Variants in YME1L1 observed in about 807,000 individuals in gnomAD.
YME1L1 encodes the protein YME1 like 1 ATPase, also known as ATP-dependent zinc metalloprotease YME1L1.
YME1L1 carries 39 observed loss-of-function variants against 90.4 expected under a neutral mutation model. The observed-to-expected ratio is 0.43, with a 90% CI of 0.33 to 0.56. The LOEUF (loss-of-function observed/expected upper bound fraction) is 0.56, where lower values mean the gene tolerates loss of function less well. YME1L1 is among the 20% of genes least tolerant of loss of function. The pLI is 0.03. For missense variants in YME1L1, 617 were observed against 868.4 expected (o/e 0.71, Z 3.64); for synonymous variants, 284 against 287.3 (o/e 0.99, Z 0.12).
chr10:27,122,967 G>C lies in YME1L1; in HGVS notation c.1109C>G (p.Ala370Gly), dbSNP rs1326621198. 6.2e-7 allele frequency: 1 copy of C among 1,609,518 alleles called. No homozygotes were observed. Among genetic ancestry groups the C allele is most frequent in the Non-Finnish European group, 8.5e-7 (1 of 1,178,820 alleles). Residue 370 changes from alanine (A) to glycine (G), a missense_variant, in exon 11 of 19, where the codon GCA (alanine) becomes GGA (glycine). Physicochemically the swap from Ala to Gly is moderately conservative, Grantham distance 60. Around this residue, in one of 4 missense-constraint regions of YME1L1, gnomAD observed 93 missense variants for 184.8 expected, o/e 0.50. Coordinates refer to ENST00000376016, the MANE Select transcript of YME1L1 (RefSeq NM_014263.4). ...ASRIRNLFRE[A>G]KANAPCVIFI... ...TATAACACAAGGAGCATTCGCCTTT[G>C]CTTCCCCTAAGAAAACAAAAAACAT...
intron 18 of YME1L1, among the ~76,000 whole-genome samples, chr10:27,113,688 A>G: frequency 6.6e-6 from 1 of 151,016 alleles, no homozygotes; most frequent in East Asian, 1.9e-4. Context: ...AAAAAAAAAA[A>G]GAAAAAACAA....
intron 4 of YME1L1, among the ~76,000 whole-genome samples, chr10:27,141,158 G>A (rs1378246925): frequency 1.3e-5 from 2 of 152,102 alleles, no homozygotes; most frequent in African/African-American, 4.8e-5. Context: ...ACTTTAGAAG[G>A]CCAAGGCAGG....
chr10:27,127,159 A>C (rs1334698797), intron 8 of YME1L1, among the ~76,000 whole-genome samples: 3 of 152,246 alleles, frequency 2.0e-5, no homozygotes, highest in Admixed American at 1.3e-4. Flanking sequence ...AATTAATGTC[A>C]AGATTCGCTT....
chr10:27,140,529 A>C (rs1446400178), intron 4 of YME1L1, among the ~76,000 whole-genome samples: 1 of 151,934 alleles, frequency 6.6e-6, no homozygotes, highest in Non-Finnish European at 1.5e-5. Flanking sequence ...GCCAGGCTGG[A>C]GTTCAGTGGC....
At chr10:27,135,631 C>T (rs1564463626) in intron 5 of YME1L1, among the ~76,000 whole-genome samples, 1 of 152,114 alleles carries the variant, frequency 6.6e-6, no homozygotes, top group Admixed American at 6.6e-5. Context: ...TTATATAAGA[C>T]TTCAATGCCA....
intron 6 of YME1L1, among the ~76,000 whole-genome samples, chr10:27,134,622 C>T (rs2057008074): frequency 1.3e-5 from 2 of 152,226 alleles, no homozygotes; most frequent in Non-Finnish European, 2.9e-5. Context: ...CTTTATGAAG[C>T]CATTCACACT....
intron 15 of YME1L1, among the ~76,000 whole-genome samples, chr10:27,117,109 G>C (rs892325533): frequency 6.6e-6 from 1 of 152,154 alleles, no homozygotes; most frequent in Non-Finnish European, 1.5e-5. Flanking sequence ...GGATAATGCT[G>C]CAATAGGACT....
At position 27,144,870 on chromosome 10, in the gene YME1L1, G is replaced by GGT. The variant is rs534615435; in HGVS notation, c.331+556_331+557dup. 3.6e-4 allele frequency among the ~76,000 whole-genome samples: 55 copies of GGT among 152,240 alleles called. No individual in the cohort carries two copies. In the East Asian group the frequency reaches 0.01, roughly 29 times the overall value. On this transcript the variant is annotated intron_variant, in intron 3 of 18. Coordinates refer to ENST00000376016, the MANE Select transcript of YME1L1 (RefSeq NM_014263.4). ...TAAGGTACCAATGTTAGGCCTGCAC[G>GGT]GTGGCTCACGCCTATAATCCCAGCA...
At chr10:27,131,707 CTAT>C in intron 8 of YME1L1, 149 bp downstream of exon 8, 1 of 561,986 alleles carries the variant, frequency 1.8e-6, no homozygotes, top group Non-Finnish European at 3.0e-6. Context: ...TGATCCTTGG[CTAT>C]TATTATTTAT....
Position 27,111,710 on chromosome 10 carries a change from T to G in YME1L1, c.*267A>C. 1.9e-6 allele frequency: 1 copy of G among 515,222 alleles called. No individual in the cohort carries two copies. The highest frequency in any genetic ancestry group is 2.0e-5 in the South Asian group (1 of 49,914). The allele number at this position is 515,222 out of a possible 1,614,324, so 31.9% of individuals were successfully genotyped here. A position where few individuals can be genotyped will look rare whatever the true frequency, so the allele number is the denominator to read the frequency against. On this transcript the variant is annotated 3_prime_UTR_variant, in exon 19 of 19. Transcript: ENST00000376016. ...CATTAATTACTTTCAACTTAATAAC[T>G]AATTGACATTCCTCAAAAGAGCTGT...
chr10:27,115,477 A>G (rs1177163279), intron 17 of YME1L1, among the ~76,000 whole-genome samples: 3 of 151,696 alleles, frequency 2.0e-5, no homozygotes, highest in Non-Finnish European at 4.4e-5. Flanking sequence ...ATACCTGGCT[A>G]ATTTTTGTAT....
At chr10:27,153,444 G>C (rs889805268) in intron 1 of YME1L1, among the ~76,000 whole-genome samples, 1 of 152,054 alleles carries the variant, frequency 6.6e-6, no homozygotes. Flanking sequence ...CAAAACTGTA[G>C]GAACTCTCAA....
intron 17 of YME1L1, among the ~76,000 whole-genome samples, chr10:27,115,323 C>CGT (rs576648719): frequency 2.8e-4 from 40 of 142,406 alleles, no homozygotes; most frequent in African/African-American, 3.3e-4. Flanking sequence ...CATTTAAAAT[C>CGT]TTTTTTTTTT....
rs745668764 is a variant in YME1L1, at chr10:27,122,983, CA to C, written c.1103-11del. 3.7e-6 allele frequency: 6 copies of C among 1,600,386 alleles called. No individual in the cohort carries two copies. In the African/African-American group the frequency reaches 8.1e-5, roughly 22 times the overall value. The stretch of plus-strand genomic sequence containing the variant: ...TTCGCCTTTGCTTCCCCTAAGAAAA[CA>C]AAAAACATTCAAATAAGCTGAAAGA... On this transcript the variant is annotated splice_polypyrimidine_tract_variant and intron_variant, in intron 10 of 18. Transcript: ENST00000376016.
chr10:27,112,803 G>C (rs1429098818), intron 18 of YME1L1, among the ~76,000 whole-genome samples: 1 of 149,600 alleles, frequency 6.7e-6, no homozygotes, highest in East Asian at 1.9e-4. Context: ...CTGGGCTCAG[G>C]TGATCCTCCC....
At chr10:27,123,856 C>A (rs1408860903) in intron 9 of YME1L1, among the ~76,000 whole-genome samples, 157 bp from the exon 10 acceptor site, 1 of 152,138 alleles carries the variant, frequency 6.6e-6, no homozygotes, top group Non-Finnish European at 1.5e-5. Flanking sequence ...CTTGTCTCTG[C>A]TAATGGTTCA....
At chr10:27,127,859 G>T (rs965555649) in intron 8 of YME1L1, among the ~76,000 whole-genome samples, 1 of 151,808 alleles carries the variant, frequency 6.6e-6, no homozygotes, top group Non-Finnish European at 1.5e-5. Flanking sequence ...TGAAATTTAT[G>T]GTTAAAAAAA....
chr10:27,145,408 CA>C lies in YME1L1; in HGVS notation c.331+19del. ...ATAGTGCTAAAATATTTAATTGGAA[CA>C]AAAAACACATTAACATACCATATTT... is the stretch of plus-strand genomic sequence containing the variant. On this transcript the variant is annotated intron_variant, in intron 3 of 18. Transcript: ENST00000376016. The C allele has an allele frequency of 6.4e-7, 1 of 1,559,086 alleles. No individual in the cohort carries two copies. Among genetic ancestry groups the C allele is most frequent in the South Asian group, 1.2e-5 (1 of 82,690 alleles).
chr10:27,141,368 T>C (rs1023585385), intron 4 of YME1L1, among the ~76,000 whole-genome samples: 2 of 152,088 alleles, frequency 1.3e-5, no homozygotes, highest in African/African-American at 4.8e-5. Flanking sequence ...GAAAACTCCA[T>C]CTCAAAAACA....
Sources: gnomAD v4.1 joint callset for allele counts (sites outside exome capture counted in the v4.1 genomes callset) on GRCh38, gnomAD v4.1.1 for gene constraint, gnomAD v4.1.1 regional missense constraint, MANE v1.5 for transcripts, NCBI Gene and HGNC (gene_info 2026-07-23, HGNC 2026-07-21) for gene names.